Variants in CSMD1 observed in about 807,000 individuals in gnomAD.
The protein encoded by CSMD1 is CUB and Sushi multiple domains 1, also known as CUB and sushi domain-containing protein 1.
A neutral mutation model predicts 417.5 loss-of-function variants in CSMD1; 213 were observed. The ratio of observed to expected loss-of-function variants is 0.51; its 90% CI spans 0.46 to 0.57. The LOEUF is 0.57. Among genes scored for constraint, CSMD1 ranks in the 20% least tolerant of loss-of-function variants. The pLI is 0.00. For missense variants in CSMD1, 6,923 were observed against 4,529.7 expected (o/e 1.53, Z -15.17); for synonymous variants, 2,862 against 1,736.8 (o/e 1.65, Z -16.11).
intron 1 of CSMD1, among the ~76,000 whole-genome samples, chr8:4,663,107 A>T (rs4430116): frequency 0.028 from 4,222 of 152,196 alleles, 115 homozygotes; most frequent in East Asian, 0.12. Flanking sequence ...GGGCCAGATC[A>T]CGTGGGCTTA....
intron 11 of CSMD1, among the ~76,000 whole-genome samples, chr8:3,484,435 C>G (rs1295565777): frequency 2.0e-5 from 3 of 152,268 alleles, no homozygotes; most frequent in East Asian, 3.9e-4. Context: ...CAAAAACTAA[C>G]TCAAAAGGGA....
At chr8:4,663,783 C>G (rs1248388200) in intron 1 of CSMD1, among the ~76,000 whole-genome samples, 1 of 152,164 alleles carries the variant, frequency 6.6e-6, no homozygotes, top group Non-Finnish European at 1.5e-5. Context: ...GACTAATGCA[C>G]TAAGTGCTGT....
chr8:3,848,868 C>G (rs1803688219), intron 5 of CSMD1, among the ~76,000 whole-genome samples: 1 of 151,084 alleles, frequency 6.6e-6, no homozygotes, highest in Non-Finnish European at 1.5e-5. Context: ...TTTTTTCAGT[C>G]CAGAAATGCT....
intron 3 of CSMD1, among the ~76,000 whole-genome samples, chr8:4,209,104 G>C (rs868700769): frequency 1.1e-4 from 16 of 152,138 alleles, no homozygotes; most frequent in Middle Eastern, 3.2e-3. Context: ...GCTCGCTGAT[G>C]ATTTACAGTG....
chr8:4,307,771 T>A (rs895988177), intron 3 of CSMD1, among the ~76,000 whole-genome samples: 1 of 152,110 alleles, frequency 6.6e-6, no homozygotes, highest in African/African-American at 2.4e-5. Context: ...AAGGGTGGAA[T>A]AAGGTCCAGA....
intron 26 of CSMD1, among the ~76,000 whole-genome samples, chr8:3,274,023 G>T (rs1423890081): frequency 6.6e-6 from 1 of 151,374 alleles, no homozygotes; most frequent in African/African-American, 2.4e-5. Flanking sequence ...TGATGTTAGG[G>T]TGTCAATTTT....
At chr8:4,576,388 T>G (rs1166626331) in intron 2 of CSMD1, among the ~76,000 whole-genome samples, 1 of 152,266 alleles carries the variant, frequency 6.6e-6, no homozygotes, top group Non-Finnish European at 1.5e-5. Flanking sequence ...GACCTTCCCC[T>G]GTCCCATTCC....
chr8:3,825,809 T>G (rs749318153), intron 5 of CSMD1, among the ~76,000 whole-genome samples: 9 of 152,124 alleles, frequency 5.9e-5, no homozygotes, highest in Non-Finnish European at 1.3e-4. Context: ...GATATGGAAT[T>G]GAAAGGCTTT....
intron 5 of CSMD1, among the ~76,000 whole-genome samples, chr8:3,880,646 C>G (rs1412410426): frequency 2.0e-5 from 3 of 152,156 alleles, no homozygotes; most frequent in African/African-American, 4.8e-5. Context: ...TGTTTCTTAA[C>G]CTTTCCTGTA....
intron 26 of CSMD1, among the ~76,000 whole-genome samples, chr8:3,232,865 T>C (rs1313441534): frequency 6.6e-6 from 1 of 152,136 alleles, no homozygotes; most frequent in Non-Finnish European, 1.5e-5. Flanking sequence ...TATTTAGTTG[T>C]AATAGTCTTA....
intron 5 of CSMD1, among the ~76,000 whole-genome samples, chr8:3,981,822 G>A (rs1287652487): frequency 2.0e-5 from 3 of 152,176 alleles, no homozygotes; most frequent in Admixed American, 1.3e-4. Context: ...TCACTTTTCA[G>A]TGAGTCAGCA....
At position 4,223,412 on chromosome 8, in the gene CSMD1, C is replaced by T. The variant is rs184375523; in HGVS notation, c.416-191313G>A. 9.8e-5 allele frequency among the ~76,000 whole-genome samples: 15 copies of T among 152,378 alleles called. No individual in the cohort carries two copies. The East Asian group carries it at 2.5e-3, about 25-fold the overall frequency. Reference sequence around the variant, plus strand: ...TGCCGCCAAGGTAAGCAGGAAAGGGCGTCATCGCCAGGGATACGTGACGAA... The same window carrying T: ...TGCCGCCAAGGTAAGCAGGAAAGGGTGTCATCGCCAGGGATACGTGACGAA... On this transcript the variant is annotated intron_variant, in intron 3 of 69. Transcript: ENST00000635120.
At chr8:4,710,275 T>C (rs1327137202) in intron 1 of CSMD1, among the ~76,000 whole-genome samples, 1 of 151,760 alleles carries the variant, frequency 6.6e-6, no homozygotes, top group South Asian at 2.1e-4. Flanking sequence ...TATATACATT[T>C]GCATGTTAAA....
chr8:3,938,983 G>A (rs568658984), intron 5 of CSMD1, among the ~76,000 whole-genome samples: 10 of 152,226 alleles, frequency 6.6e-5, no homozygotes, highest in South Asian at 4.1e-4. Context: ...GTATGAGAGT[G>A]TGGAATGGGG....
chr8:3,114,094 A>G (rs919842322), intron 42 of CSMD1, among the ~76,000 whole-genome samples: 3 of 151,854 alleles, frequency 2.0e-5, no homozygotes, highest in African/African-American at 7.3e-5. Context: ...AAAAACATTA[A>G]TTATCCATGC....
intron 51 of CSMD1, among the ~76,000 whole-genome samples, chr8:3,027,200 C>A (rs1809996725): frequency 6.6e-6 from 1 of 151,938 alleles, no homozygotes; most frequent in Non-Finnish European, 1.5e-5. Context: ...AAAAAAAAGA[C>A]AAAGCAGAAA....
chr8:3,445,871 T>C (rs926180940), intron 12 of CSMD1, among the ~76,000 whole-genome samples: 5 of 152,068 alleles, frequency 3.3e-5, no homozygotes, highest in Non-Finnish European at 4.4e-5. Context: ...TGGTATGTTA[T>C]AGAAATAGCA....
At chr8:3,442,845 T>A (rs1049417907) in intron 12 of CSMD1, among the ~76,000 whole-genome samples, 1 of 152,188 alleles carries the variant, frequency 6.6e-6, no homozygotes, top group African/African-American at 2.4e-5. Context: ...TTTTTTGTTA[T>A]GTCTGTACCT....
intron 17 of CSMD1, among the ~76,000 whole-genome samples, chr8:3,394,678 G>A (rs1453742625): frequency 1.3e-5 from 2 of 151,978 alleles, no homozygotes; most frequent in Admixed American, 6.6e-5. Flanking sequence ...GCTTATTAGG[G>A]ATCTTACAAA....
Sources: allele counts gnomAD v4.1 joint callset (sites outside exome capture counted in the v4.1 genomes callset), GRCh38; gene constraint gnomAD v4.1.1; transcripts MANE v1.5; gene names NCBI Gene and HGNC (gene_info 2026-07-23, HGNC 2026-07-21).